ZNF365: variants seen among roughly 807,000 people sequenced by gnomAD.
ZNF365 encodes protein ZNF365.
A neutral mutation model predicts 35.0 loss-of-function variants in ZNF365; 22 were observed. That is an observed-to-expected ratio of 0.63 (90% CI 0.45 to 0.90). ZNF365 has a LOEUF of 0.90. ZNF365 is among the 40% of genes least tolerant of loss of function. The pLI is 0.00. For synonymous variants in ZNF365, 188 were observed against 196.2 expected, an observed-to-expected ratio of 0.96 and a Z score of 0.35; for missense variants, 448 against 500.3, an observed-to-expected ratio of 0.90 and a Z score of 1.00.
chr10:62,409,141 C>T (rs542934063), intron 3 of ZNF365, among the ~76,000 whole-genome samples: 1 of 152,190 alleles, frequency 6.6e-6, no homozygotes, highest in Admixed American at 6.5e-5. Flanking sequence ...CAGATATGTC[C>T]ACCCCAAGCT....
chr10:62,439,521 A>G (rs878958661), intron 3 of ZNF365, among the ~76,000 whole-genome samples: 1 of 152,234 alleles, frequency 6.6e-6, no homozygotes, highest in South Asian at 2.1e-4. Flanking sequence ...CTTCTGAGAA[A>G]GACATATTCT....
intron 3 of ZNF365, among the ~76,000 whole-genome samples, chr10:62,449,813 CA>C (rs1291680442): frequency 2.9e-5 from 4 of 137,098 alleles, no homozygotes; most frequent in African/African-American, 6.3e-5. Context: ...TAGCCTGGTT[CA>C]TTTTTTTTTT....
chr10:62,476,242 T>G (rs1841128569), intron 4 of ZNF365, among the ~76,000 whole-genome samples: 1 of 152,206 alleles, frequency 6.6e-6, no homozygotes, highest in Non-Finnish European at 1.5e-5. Flanking sequence ...TAGGGTTATA[T>G]AGACTTGAGC....
intron 3 of ZNF365, among the ~76,000 whole-genome samples, chr10:62,448,465 A>T (rs1328191070): frequency 6.6e-6 from 1 of 152,194 alleles, no homozygotes; most frequent in Non-Finnish European, 1.5e-5. Flanking sequence ...ATAATGTCGA[A>T]AGTATTGCAG....
At chr10:62,418,833 G>A (rs1840121029) in intron 3 of ZNF365, among the ~76,000 whole-genome samples, 1 of 152,028 alleles carries the variant, frequency 6.6e-6, no homozygotes, top group Non-Finnish European at 1.5e-5. Context: ...GAAGAGTAGA[G>A]AGCTCTTCCT....
chr10:62,442,297 AAG>A, intron 3 of ZNF365, among the ~76,000 whole-genome samples: 1 of 152,312 alleles, frequency 6.6e-6, no homozygotes, highest in Middle Eastern at 3.4e-3. Flanking sequence ...CCCAAGTCGA[AAG>A]AGAGAAGGAA....
At chr10:62,423,274 C>A (rs149325057) in intron 3 of ZNF365, among the ~76,000 whole-genome samples, 145 of 151,872 alleles carry the variant, frequency 9.5e-4, no homozygotes, top group African/African-American at 3.4e-3. Context: ...TTTTGAATTT[C>A]AGCATTTCTC....
At chr10:62,441,870 A>G (rs1589455721) in intron 3 of ZNF365, among the ~76,000 whole-genome samples, 1 of 152,218 alleles carries the variant, frequency 6.6e-6, no homozygotes, top group East Asian at 1.9e-4. Context: ...AGGCCACATA[A>G]CAGCAAATAC....
At chr10:62,397,122 T>C (rs1012150339) in intron 3 of ZNF365, among the ~76,000 whole-genome samples, 3 of 152,244 alleles carry the variant, frequency 2.0e-5, no homozygotes, top group Non-Finnish European at 1.5e-5. Flanking sequence ...CTTTGGGACC[T>C]CATGTGATAA....
downstream of ZNF365, among the ~76,000 whole-genome samples, chr10:62,404,066 G>A (rs563431800): frequency 1.3e-5 from 2 of 152,174 alleles, no homozygotes; most frequent in African/African-American, 2.4e-5. Flanking sequence ...TAAGAAAAGA[G>A]TATTCGAACT....
chr10:62,470,881 TC>T (rs1264761343), intron 4 of ZNF365, among the ~76,000 whole-genome samples: 3 of 152,178 alleles, frequency 2.0e-5, no homozygotes, highest in African/African-American at 7.2e-5. Flanking sequence ...AAAAATTTTT[TC>T]CTGGTTTATT....
At chr10:62,471,262 A>C (rs1841031583) in intron 4 of ZNF365, among the ~76,000 whole-genome samples, 1 of 151,140 alleles carries the variant, frequency 6.6e-6, no homozygotes, top group South Asian at 2.1e-4. Context: ...GCTACTCAGG[A>C]GGCTGAGGCA....
chr10:62,446,107 A>T (rs1048320171), intron 3 of ZNF365, among the ~76,000 whole-genome samples: 7 of 152,168 alleles, frequency 4.6e-5, no homozygotes, highest in African/African-American at 1.7e-4. Flanking sequence ...GCACTCTGGG[A>T]TGGCTCTCCT....
chr10:62,407,353 A>G (rs551428194), downstream of ZNF365, among the ~76,000 whole-genome samples: 1 of 152,220 alleles, frequency 6.6e-6, no homozygotes, highest in South Asian at 2.1e-4. Flanking sequence ...ACACTACAAA[A>G]CATTAAGCTT....
chr10:62,389,925 G>A (rs1451252815), intron 3 of ZNF365, among the ~76,000 whole-genome samples: 1 of 152,046 alleles, frequency 6.6e-6, no homozygotes, highest in Admixed American at 6.6e-5. Context: ...CTTCTGAGGG[G>A]GAAGTCACAC....
chr10:62,429,726 G>C (rs1365464405), intron 3 of ZNF365, among the ~76,000 whole-genome samples: 3 of 152,152 alleles, frequency 2.0e-5, no homozygotes, highest in Non-Finnish European at 4.4e-5. Context: ...GGAGAAATTA[G>C]CTTTTTTCCT....
At chr10:62,452,195 G>A (rs189748042) in intron 3 of ZNF365, among the ~76,000 whole-genome samples, 2 of 152,234 alleles carry the variant, frequency 1.3e-5, no homozygotes, top group African/African-American at 4.8e-5. Flanking sequence ...AAGAAAGCTG[G>A]GTGTGGATTT....
chr10:62,380,451 A>T (rs985235281), intron 2 of ZNF365, among the ~76,000 whole-genome samples: 51 of 152,174 alleles, frequency 3.4e-4, no homozygotes, highest in Admixed American at 1.3e-4. Flanking sequence ...TCATTTGTTT[A>T]TGTTATCAGT....
At chr10:62,429,038 C>T (rs1840295271) in intron 3 of ZNF365, among the ~76,000 whole-genome samples, 1 of 152,166 alleles carries the variant, frequency 6.6e-6, no homozygotes, top group Admixed American at 6.5e-5. Flanking sequence ...GGCTCTAGCA[C>T]ACCTCTGAGT....
Sources: allele counts gnomAD v4.1 joint callset (sites outside exome capture counted in the v4.1 genomes callset), GRCh38; gene constraint gnomAD v4.1.1; transcripts MANE v1.5; gene names NCBI Gene and HGNC (gene_info 2026-07-23, HGNC 2026-07-21).